Variants in XKR9 observed in about 807,000 individuals in gnomAD.
XKR9 encodes XK-related protein 9.
XKR9 carries 32 observed loss-of-function variants against 32.0 expected under a neutral mutation model. The ratio of observed to expected loss-of-function variants is 1.00; its 90% CI spans 0.76 to 1.34. The LOEUF is 1.34. Among genes scored for constraint, XKR9 ranks in the 40% most tolerant of loss-of-function variants. XKR9 has a pLI of 0.00. For missense variants in XKR9, 546 were observed against 429.7 expected (o/e 1.27, Z -2.39); for synonymous variants, 168 against 143.4 (o/e 1.17, Z -1.22).
the XKR9 span, among the ~76,000 whole-genome samples, chr8:70,844,244 C>A: frequency 6.6e-6 from 1 of 152,200 alleles, no homozygotes; most frequent in Non-Finnish European, 1.5e-5. Flanking sequence ...AAAGTGCATG[C>A]CACTGACAGT....
At chr8:70,932,662 G>C in the XKR9 span, among the ~76,000 whole-genome samples, 1 of 152,140 alleles carries the variant, frequency 6.6e-6, no homozygotes, top group African/African-American at 2.4e-5. Flanking sequence ...TTCTCCCGAG[G>C]CCCTTCTCCC....
At chr8:70,987,552 A>T in the XKR9 span, among the ~76,000 whole-genome samples, 1 of 152,226 alleles carries the variant, frequency 6.6e-6, no homozygotes. Context: ...GGGCTCCCAC[A>T]GCCTTGGGCA....
At chr8:70,751,611 C>T (rs985190809) in intron 2 of XKR9, among the ~76,000 whole-genome samples, 1 of 152,136 alleles carries the variant, frequency 6.6e-6, no homozygotes, top group Non-Finnish European at 1.5e-5. Flanking sequence ...ATTTGAGGGC[C>T]TGGATGGAAC....
the XKR9 span, among the ~76,000 whole-genome samples, chr8:70,859,440 C>T: frequency 6.6e-6 from 1 of 152,014 alleles, no homozygotes; most frequent in Non-Finnish European, 1.5e-5. Context: ...TCCGTAAGAA[C>T]AGTATGGAGG....
intron 3 of XKR9, among the ~76,000 whole-genome samples, chr8:70,682,020 G>A (rs938497587): frequency 3.9e-5 from 6 of 152,090 alleles, no homozygotes; most frequent in African/African-American, 1.4e-4. Context: ...TTTATGTGGA[G>A]ACTTATAGTT....
chr8:70,784,734 G>C (rs1440860713), intron 2 of XKR9, among the ~76,000 whole-genome samples: 3 of 152,056 alleles, frequency 2.0e-5, no homozygotes, highest in Non-Finnish European at 4.4e-5. Flanking sequence ...GCAATACTAT[G>C]TTGAATAGAA....
the XKR9 span, among the ~76,000 whole-genome samples, chr8:70,911,877 A>G: frequency 6.6e-6 from 1 of 152,162 alleles, no homozygotes; most frequent in African/African-American, 2.4e-5. Context: ...GACAATGACC[A>G]CACAGTGCAG....
At chr8:70,980,854 ATTTG>A in the XKR9 span, among the ~76,000 whole-genome samples, 5 of 152,172 alleles carry the variant, frequency 3.3e-5, no homozygotes, top group African/African-American at 9.7e-5. Flanking sequence ...TTATCTTGGC[ATTTG>A]TTTGTCTGAA....
At chr8:70,880,269 GC>G in the XKR9 span, among the ~76,000 whole-genome samples, 2 of 152,128 alleles carry the variant, frequency 1.3e-5, no homozygotes, top group Non-Finnish European at 2.9e-5. Flanking sequence ...GGAAGTTCTG[GC>G]CAGGGCAATC....
the XKR9 span, among the ~76,000 whole-genome samples, chr8:70,882,630 A>G: frequency 6.6e-6 from 1 of 152,036 alleles, no homozygotes; most frequent in Non-Finnish European, 1.5e-5. Flanking sequence ...AGGTTTTTGG[A>G]AAACTGCGTA....
chr8:70,750,018 G>C (rs1247312121), intron 2 of XKR9, among the ~76,000 whole-genome samples: 1 of 152,162 alleles, frequency 6.6e-6, no homozygotes, highest in Non-Finnish European at 1.5e-5. Flanking sequence ...GCGTGTGTGT[G>C]TGTGGTGTGT....
chr8:70,706,310 A>G (rs934710032), intron 3 of XKR9, among the ~76,000 whole-genome samples: 2 of 152,116 alleles, frequency 1.3e-5, no homozygotes, highest in Non-Finnish European at 2.9e-5. Flanking sequence ...GACCAGGGAT[A>G]TTTCAAGAGT....
chr8:70,894,507 T>C, the XKR9 span, among the ~76,000 whole-genome samples: 574 of 152,244 alleles, frequency 3.8e-3, 1 homozygote, highest in Non-Finnish European at 6.0e-3. Flanking sequence ...GCCCAGCTAT[T>C]CAGCTCAGCC....
At chr8:70,821,714 G>A in the XKR9 span, among the ~76,000 whole-genome samples, 1 of 152,198 alleles carries the variant, frequency 6.6e-6, no homozygotes, top group South Asian at 2.1e-4. Flanking sequence ...TGAAGCAATG[G>A]CCTGAGCAGT....
the XKR9 span, among the ~76,000 whole-genome samples, chr8:71,023,747 T>C: frequency 6.6e-6 from 1 of 152,110 alleles, no homozygotes; most frequent in Non-Finnish European, 1.5e-5. Context: ...TTGGTGGTAG[T>C]TGTGATGGCC....
intron 2 of XKR9, among the ~76,000 whole-genome samples, chr8:70,748,271 C>T (rs555974398): frequency 5.9e-5 from 9 of 152,302 alleles, no homozygotes; most frequent in East Asian, 3.9e-4. Flanking sequence ...TGCTCCTGGG[C>T]GCAGATGTAG....
At chr8:70,778,770 G>T (rs947532553) in intron 2 of XKR9, among the ~76,000 whole-genome samples, 1 of 151,908 alleles carries the variant, frequency 6.6e-6, no homozygotes, top group Admixed American at 6.6e-5. Flanking sequence ...GGTGTATAGG[G>T]ATGCTTGTGA....
Position 70,753,635 on chromosome 8 carries a change from C to G in XKR9, n.353-35704C>G, listed in dbSNP as rs141479776. On this transcript the variant is annotated intron_variant and non_coding_transcript_variant, in intron 2 of 3. Coordinates refer to the XKR9 transcript ENST00000520273. ...TATATGCAAATCAAGAAATGTAGTC[C>G]AGCATATAAACAGAACCAAAGACAA... Among the ~76,000 whole-genome samples the G allele has an allele frequency of 3.0e-3, 460 of 152,054 alleles. 3 individuals carry two copies. Among genetic ancestry groups the G allele is most frequent in the African/African-American group, 0.011 (441 of 41,490 alleles).
At chr8:70,800,488 T>C in the XKR9 span, among the ~76,000 whole-genome samples, 4 of 152,116 alleles carry the variant, frequency 2.6e-5, no homozygotes, top group Admixed American at 6.5e-5. Flanking sequence ...GTCCATCTGC[T>C]ATGGGCATTT....
Sources: allele counts gnomAD v4.1 joint callset (sites outside exome capture counted in the v4.1 genomes callset), GRCh38; gene constraint gnomAD v4.1.1; transcripts MANE v1.5; gene names NCBI Gene and HGNC (gene_info 2026-07-23, HGNC 2026-07-21).